P2RY6: variants seen among roughly 807,000 people sequenced by gnomAD.
The protein encoded by P2RY6 is pyrimidinergic receptor P2Y6.
P2RY6 carries 19 observed loss-of-function variants against 16.3 expected under a neutral mutation model. That is an observed-to-expected ratio of 1.16 (90% CI 0.81 to 1.71). The LOEUF is 1.71. Ranked by LOEUF, P2RY6 falls within the 40% of genes most tolerant of loss-of-function variation. P2RY6 has a pLI of 0.00. For synonymous variants in P2RY6, 184 were observed against 201.5 expected (o/e 0.91, Z 0.74); for missense variants, 389 against 455.5 (o/e 0.85, Z 1.33).
intron 1 of P2RY6, among the ~76,000 whole-genome samples, chr11:73,275,591 A>G (rs1863503185): frequency 1.3e-5 from 2 of 152,250 alleles, no homozygotes; most frequent in Non-Finnish European, 2.9e-5. Context: ...AGCATGGTGC[A>G]GTCTCATTCC....
chr11:73,278,416 G>T (rs1480849365), intron 1 of P2RY6, among the ~76,000 whole-genome samples: 1 of 152,046 alleles, frequency 6.6e-6, no homozygotes, highest in African/African-American at 2.4e-5. Flanking sequence ...CACCCGCCTA[G>T]GCCTCCCAAA....
intron 1 of P2RY6, among the ~76,000 whole-genome samples, chr11:73,280,830 G>T (rs1046899775): frequency 6.6e-6 from 1 of 152,180 alleles, no homozygotes; most frequent in South Asian, 2.1e-4. Flanking sequence ...AGAGTGGAGA[G>T]GTCAGCAGGG....
upstream of P2RY6, among the ~76,000 whole-genome samples, chr11:73,271,222 A>G (rs1431096922): frequency 6.6e-6 from 1 of 152,078 alleles, no homozygotes; most frequent in Non-Finnish European, 1.5e-5. Flanking sequence ...GCCCAAGCTC[A>G]AGGATGGATT....
intron 1 of P2RY6, among the ~76,000 whole-genome samples, chr11:73,275,533 A>C (rs1863501204): frequency 6.6e-6 from 1 of 152,220 alleles, no homozygotes; most frequent in South Asian, 2.1e-4. Context: ...GGCAAGAGAC[A>C]GACTTGGAAG....
intron 1 of P2RY6, among the ~76,000 whole-genome samples, chr11:73,291,016 G>A (rs1168984114): frequency 1.3e-5 from 2 of 152,332 alleles, no homozygotes; most frequent in East Asian, 1.9e-4. Context: ...TGGTTGTTGA[G>A]GTGCCAGGCC....
intron 2 of P2RY6, among the ~76,000 whole-genome samples, chr11:73,296,230 A>AG (rs1270213360): frequency 7.9e-6 from 1 of 125,836 alleles, no homozygotes; most frequent in African/African-American, 4.1e-5. Context: ...AAGGAAAAAA[A>AG]AAAATATATA....
At chr11:73,290,354 A>AAAGAAAGAAG (rs1864184193) in intron 1 of P2RY6, among the ~76,000 whole-genome samples, 13 of 121,882 alleles carry the variant, frequency 1.1e-4, no homozygotes, top group African/African-American at 3.8e-4. Flanking sequence ...AAAGAAAGAA[A>AAAGAAAGAAG]GAAAGAAAGA....
At chr11:73,273,422 C>T (rs905869210) in intron 1 of P2RY6, among the ~76,000 whole-genome samples, 1 of 152,052 alleles carries the variant, frequency 6.6e-6, no homozygotes, top group African/African-American at 2.4e-5. Context: ...TGTGCCAAGC[C>T]CCTGGGTGTG....
chr11:73,297,043 T>C lies in P2RY6; in HGVS notation c.525T>C (p.Thr175=). 6.2e-7 allele frequency: 1 copy of C among 1,600,912 alleles called. No homozygotes were observed. The highest frequency in any genetic ancestry group is 1.1e-5 in the South Asian group (1 of 91,086). Residue 175 remains threonine, a synonymous_variant, in exon 3 of 3, where the codon ACT becomes ACC. Transcript: ENST00000540124. ...CCACAGGCATCCAGCGTAACCGCAC[T>C]GTCTGCTATGACCTCAGCCCGCCTG... ...FAATGIQRNR[T]VCYDLSPPAL... is the part of the protein sequence containing the mutation.
chr11:73,280,213 A>G (rs1344536886), intron 1 of P2RY6, among the ~76,000 whole-genome samples: 2 of 152,150 alleles, frequency 1.3e-5, no homozygotes, highest in Non-Finnish European at 2.9e-5. Flanking sequence ...CTAGCCCAGG[A>G]GTCATTCTTT....
At chr11:73,274,231 A>C (rs1037857122) in intron 1 of P2RY6, among the ~76,000 whole-genome samples, 1 of 151,990 alleles carries the variant, frequency 6.6e-6, no homozygotes, top group Admixed American at 6.6e-5. Flanking sequence ...TTCTTACCTA[A>C]CTCCAAAAAC....
At chr11:73,266,636 C>A (rs1290939745) in intron 1 of P2RY6, among the ~76,000 whole-genome samples, 1 of 152,188 alleles carries the variant, frequency 6.6e-6, no homozygotes, top group Non-Finnish European at 1.5e-5. Flanking sequence ...TTCCTGTTGA[C>A]TTCATTGAGT....
rs374216244 is a variant in P2RY6, at chr11:73,278,552, C to T, written c.-121+6086C>T. ...TCCCACCCTCTCAGCCCCTGGCAACCCCCACTCTACTTTCTGTCTCAATGA... is the reference window on the plus strand; with the variant it reads ...TCCCACCCTCTCAGCCCCTGGCAACTCCCACTCTACTTTCTGTCTCAATGA... On this transcript the variant is annotated intron_variant, in intron 1 of 2. Coordinates refer to ENST00000540124, the MANE Select transcript of P2RY6 (RefSeq NM_001277204.2). 5.9e-5 allele frequency among the ~76,000 whole-genome samples: 9 copies of T among 152,290 alleles called. No individual in the cohort carries two copies. In the South Asian group the frequency reaches 1.7e-3, roughly 28 times the overall value.
At position 73,297,166 on chromosome 11, in the gene P2RY6, C is replaced by G. The variant is rs1246979412; in HGVS notation, c.648C>G (p.Ala216=). The G allele has an allele frequency of 6.2e-7, 1 of 1,604,510 alleles. No homozygotes were observed. The highest frequency in any genetic ancestry group is 1.1e-5 in the South Asian group (1 of 91,078). ...TGCTGGCCTGCTACTGTCTCCTGGC[C>G]TGCCGCCTGTGCCGCCAGGATGGCC... ...AALLACYCLL[A]CRLCRQDGPA... Residue 216 remains alanine (A), a synonymous_variant, in exon 3 of 3, where the codon GCC becomes GCG. Coordinates refer to ENST00000540124, the MANE Select transcript of P2RY6 (RefSeq NM_001277204.2).
intron 2 of P2RY6, 21 bp downstream of exon 2, chr11:73,295,836 G>A (rs1454202702): frequency 3.1e-6 from 3 of 958,050 alleles, no homozygotes; most frequent in African/African-American, 3.5e-5. Context: ...CCTTCGCATT[G>A]GTTAACTAAG....
chr11:73,271,573 C>G (rs1863310406), upstream of P2RY6: 2 of 152,142 alleles, frequency 1.3e-5, no homozygotes, highest in Non-Finnish European at 2.9e-5. Context: ...CAATGTCCTT[C>G]CATACAATCT....
chr11:73,292,870 G>A (rs2135751658), intron 1 of P2RY6: 1 of 984,264 alleles, frequency 1.0e-6, no homozygotes, highest in Non-Finnish European at 1.2e-6. Flanking sequence ...GCTTCCCTTT[G>A]CCCCAACACA....
chr11:73,295,088 G>T (rs1864418797), intron 1 of P2RY6, among the ~76,000 whole-genome samples: 4 of 152,280 alleles, frequency 2.6e-5, no homozygotes, highest in Admixed American at 2.6e-4. Flanking sequence ...CTATCTCAAA[G>T]GCCCATTGGA....
At chr11:73,283,975 T>C (rs1420085686) in intron 1 of P2RY6, among the ~76,000 whole-genome samples, 3 of 150,282 alleles carry the variant, frequency 2.0e-5, no homozygotes, top group Admixed American at 6.6e-5. Flanking sequence ...TGTGGATGGG[T>C]GAGGAGAGAA....
Sources: gnomAD v4.1 joint callset for allele counts (sites outside exome capture counted in the v4.1 genomes callset) on GRCh38, gnomAD v4.1.1 for gene constraint, MANE v1.5 for transcripts, NCBI Gene and HGNC (gene_info 2026-07-23, HGNC 2026-07-21) for gene names.